The following PUDP variants were observed in gnomAD, a reference collection of about 807,000 sequenced individuals.
PUDP encodes pseudouridine-5'-phosphatase.
Under a neutral mutation model 9.4 loss-of-function variants are expected in PUDP, and 8 were observed. The ratio of observed to expected loss-of-function variants is 0.85; its 90% CI spans 0.50 to 1.53. The LOEUF is 1.53. PUDP is among the 40% of genes most tolerant of loss of function. The pLI is 0.00. For synonymous variants in PUDP, 99 were observed against 80.7 expected, an observed-to-expected ratio of 1.23 and a Z score of -1.22; for missense variants, 188 against 189.7, an observed-to-expected ratio of 0.99 and a Z score of 0.05.
rs182278182 is a variant in PUDP at position 6,949,645 on chromosome X, C to T, written c.*247+27488G>A. ...TGTTTATAAATATTGCTTTTCATTA[C>T]CCTTATGTTAAATGTTAATGTCAAA... is the stretch of plus-strand genomic sequence containing the variant. On this transcript the variant is annotated intron_variant and NMD_transcript_variant, in intron 3 of 3. Coordinates refer to the PUDP transcript ENST00000655425. 8.9e-3 allele frequency among the ~76,000 whole-genome samples: 1,002 copies of T among 112,393 alleles called. 6 individuals are homozygous for T. The highest frequency in any genetic ancestry group is 0.018 in the Admixed American group (192 of 10,607).
At chrX:7,015,950 T>C (rs755359199) in intron 1 of PUDP, among the ~76,000 whole-genome samples, 2 of 110,577 alleles carry the variant, frequency 1.8e-5, no homozygotes, top group Non-Finnish European at 3.8e-5. Context: ...TTAGGTTTTA[T>C]GGCTGGCTTT....
chrX:6,811,886 C>T (rs957799312), intron 3 of PUDP, among the ~76,000 whole-genome samples: 6 of 111,931 alleles, frequency 5.4e-5, no homozygotes, highest in African/African-American at 9.7e-5. Context: ...TGCTGGGCCC[C>T]GAAGGGGCTG....
At chrX:6,999,353 G>C (rs777167164) in intron 1 of PUDP, among the ~76,000 whole-genome samples, 2 of 111,587 alleles carry the variant, frequency 1.8e-5, no homozygotes, top group Non-Finnish European at 3.8e-5. Context: ...ATTGCTCAGC[G>C]ATTTAATAGA....
intron 3 of PUDP, among the ~76,000 whole-genome samples, chrX:6,815,390 T>C (rs945010209): frequency 7.1e-5 from 8 of 111,967 alleles, no homozygotes; most frequent in African/African-American, 2.3e-4. Flanking sequence ...AGACACCAAC[T>C]ACATCCGTTA....
chrX:6,928,113 A>T (rs955096836), intron 3 of PUDP, among the ~76,000 whole-genome samples: 1 of 109,732 alleles, frequency 9.1e-6, no homozygotes, highest in African/African-American at 3.3e-5. Context: ...TTGTGTTTTT[A>T]GTAGAGATGG....
At chrX:6,715,984 C>G (rs1374061644) in intron 1 of PUDP, among the ~76,000 whole-genome samples, 1 of 111,439 alleles carries the variant, frequency 9.0e-6, no homozygotes, top group Admixed American at 9.6e-5. Flanking sequence ...CAAGGCATGT[C>G]AGAGAAGGGC....
At chrX:6,740,379 T>A (rs1306170774) in intron 3 of PUDP, among the ~76,000 whole-genome samples, 1 of 111,866 alleles carries the variant, frequency 8.9e-6, no homozygotes, top group Non-Finnish European at 1.9e-5. Context: ...GTTGGACCTT[T>A]AACTAGGGAG....
At chrX:7,144,302 A>G (rs1218948932) in intron 1 of PUDP, among the ~76,000 whole-genome samples, 4 of 112,488 alleles carry the variant, frequency 3.6e-5, no homozygotes, top group African/African-American at 1.3e-4. Context: ...GACAACATAC[A>G]TAGATTCTTC....
intron 3 of PUDP, among the ~76,000 whole-genome samples, chrX:6,758,788 G>C (rs752261508): frequency 9.0e-6 from 1 of 111,352 alleles, no homozygotes; most frequent in Admixed American, 9.6e-5. Flanking sequence ...CGCTCTGTGC[G>C]AAGTTGAAGA....
intron 3 of PUDP, among the ~76,000 whole-genome samples, chrX:6,911,806 T>C (rs1927853994): frequency 8.9e-6 from 1 of 112,209 alleles, no homozygotes; most frequent in Non-Finnish European, 1.9e-5. Flanking sequence ...AATATGTCAA[T>C]ACTTTGAAAT....
intron 3 of PUDP, among the ~76,000 whole-genome samples, chrX:6,963,948 G>A (rs191916842): frequency 1.8e-5 from 2 of 112,012 alleles, no homozygotes; most frequent in Admixed American, 1.9e-4. Context: ...TGTTTGCCAG[G>A]TTTTTCATTC....
chrX:6,895,880 G>A (rs758438042), intron 3 of PUDP, among the ~76,000 whole-genome samples: 34 of 110,685 alleles, frequency 3.1e-4, no homozygotes, highest in Non-Finnish European at 5.7e-4. Context: ...CATAGACGGC[G>A]CCTTCTCACT....
chrX:6,978,482 A>C (rs1397940647), intron 1 of PUDP, among the ~76,000 whole-genome samples: 4 of 112,287 alleles, frequency 3.6e-5, no homozygotes, highest in African/African-American at 9.7e-5. Context: ...TGTTTTTAAT[A>C]CATGTGTATC....
intron 1 of PUDP, among the ~76,000 whole-genome samples, chrX:7,141,874 G>A (rs1169787353): frequency 3.6e-5 from 4 of 112,356 alleles, no homozygotes; most frequent in African/African-American, 1.3e-4. Flanking sequence ...CTCTTCCTGG[G>A]CTTTGTAAAT....
At chrX:6,867,663 T>C (rs1430620694) in intron 3 of PUDP, among the ~76,000 whole-genome samples, 2 of 110,644 alleles carry the variant, frequency 1.8e-5, no homozygotes, top group Non-Finnish European at 3.8e-5. Flanking sequence ...GTGGTGATAA[T>C]AGTGGTCATA....
intron 1 of PUDP, among the ~76,000 whole-genome samples, chrX:7,111,570 C>A (rs1932051325): frequency 9.0e-6 from 1 of 111,513 alleles, no homozygotes; most frequent in Non-Finnish European, 1.9e-5. Flanking sequence ...GCCAGGTCCT[C>A]TAAAGCCTGG....
chrX:6,966,802 G>C (rs1311462750), intron 3 of PUDP, among the ~76,000 whole-genome samples: 1 of 111,531 alleles, frequency 9.0e-6, no homozygotes, highest in Non-Finnish European at 1.9e-5. Context: ...TCCTGCCTCA[G>C]CCTCCCAAAG....
At chrX:6,896,881 T>C (rs144725667) in intron 3 of PUDP, among the ~76,000 whole-genome samples, 1,420 of 111,647 alleles carry the variant, frequency 0.013, 25 homozygotes, top group African/African-American at 0.042. Context: ...GTTTGTTTGT[T>C]TTTTTAAATT....
Position 6,873,494 on chromosome X carries a change from T to C in PUDP, c.*247+103639A>G, listed in dbSNP as rs764765439. Among the ~76,000 whole-genome samples the C allele has an allele frequency of 3.6e-5, 4 of 112,141 alleles. No homozygotes were observed. In the South Asian group the frequency reaches 1.5e-3, roughly 42 times the overall value. ...CCCTGAAACCACGAACAGGATTTCA[T>C]TGACTAAATCTATGTTAAAATGGCT... On this transcript the variant is annotated intron_variant and NMD_transcript_variant, in intron 3 of 3. Transcript: ENST00000655425.
Sources: allele counts gnomAD v4.1 joint callset (sites outside exome capture counted in the v4.1 genomes callset), GRCh38; gene constraint gnomAD v4.1.1; transcripts MANE v1.5; gene names NCBI Gene and HGNC (gene_info 2026-07-23, HGNC 2026-07-21).